VPS13A: variants seen among roughly 807,000 people sequenced by gnomAD.
VPS13A encodes the protein intermembrane lipid transfer protein VPS13A.
Under a neutral mutation model 390.9 loss-of-function variants are expected in VPS13A, and 264 were observed. The ratio of observed to expected loss-of-function variants is 0.68; its 90% confidence interval spans 0.61 to 0.75. The LOEUF is 0.75. Ranked by LOEUF, VPS13A falls within the 30% of genes least tolerant of loss-of-function variation. VPS13A has a pLI of 0.00. For missense variants in VPS13A, 3,409 were observed against 3,733.9 expected (o/e 0.91, Z 2.27); for synonymous variants, 1,231 against 1,227.1 (o/e 1.00, Z -0.07).
chr9:77,386,358 G>T (rs1277168760), intron 68 of VPS13A, among the ~76,000 whole-genome samples: 1 of 152,086 alleles, frequency 6.6e-6, no homozygotes, highest in East Asian at 1.9e-4. Context: ...TAGTCACAAG[G>T]CCTTTGTAAA....
At chr9:77,318,132 A>G in intron 40 of VPS13A, 103 bp from the exon 41 acceptor site, 1 of 628,482 alleles carries the variant, frequency 1.6e-6, no homozygotes, top group Non-Finnish European at 2.6e-6. Context: ...TGTGGTAGTA[A>G]TGTTAATTCA....
At chr9:77,307,829 G>A (rs897690278) in intron 34 of VPS13A, 116 bp from the exon 35 acceptor site, 2 of 801,374 alleles carry the variant, frequency 2.5e-6, no homozygotes, top group African/African-American at 3.5e-5. Context: ...ATGTTTAATT[G>A]GTGTGGTAGA....
At chr9:77,316,486 C>T in intron 39 of VPS13A, 80 bp downstream of exon 39, 1 of 1,199,222 alleles carries the variant, frequency 8.3e-7, no homozygotes. Context: ...CAAAAACTAC[C>T]TACATGCTTT....
rs139082384 is a variant in VPS13A at position 77,179,006 on chromosome 9, T to G, written c.100+1202T>G. Among the ~76,000 whole-genome samples, 9 of 152,280 alleles carry G rather than the reference T, an allele frequency of 5.9e-5. No individual in the cohort carries two copies. In the East Asian group the frequency reaches 1.5e-3, roughly 26 times the overall value. On this transcript the variant is annotated intron_variant, in intron 1 of 71. Transcript: ENST00000360280. ...TGGAGAGTGAGTGGACTACAAAAGC[T>G]AGGGATATAGTGATAGCTGCTCAGC...
chr9:77,333,442 T>C (rs980120735), intron 46 of VPS13A, among the ~76,000 whole-genome samples: 29 of 149,492 alleles, frequency 1.9e-4, no homozygotes, highest in Admixed American at 1.9e-3. Context: ...TTTTTTTTTT[T>C]TTTTTTGAGA....
chr9:77,179,716 A>C lies in VPS13A; in HGVS notation c.100+1912A>C, dbSNP rs1462881417. ...TTTTTTTTTTTTTGAGATTTATTTCATATACCATAAATTTCACTCTTTTAA... is the reference window on the plus strand; with the variant it reads ...TTTTTTTTTTTTTGAGATTTATTTCCTATACCATAAATTTCACTCTTTTAA... On this transcript the variant is annotated intron_variant, in intron 1 of 71. Transcript: ENST00000360280. Among the ~76,000 whole-genome samples the C allele has an allele frequency of 2.1e-5, 3 of 142,960 alleles. No individual in the cohort carries two copies. In the Admixed American group the frequency reaches 2.1e-4, roughly 10 times the overall value. The allele number at this position is 142,960 out of a possible 152,430, so 93.8% of individuals were successfully genotyped here. A position where few individuals can be genotyped will look rare whatever the true frequency, so the allele number is the denominator to read the frequency against.
intron 68 of VPS13A, among the ~76,000 whole-genome samples, chr9:77,393,706 GGTCTCAACA>G (rs1833993549): frequency 6.6e-6 from 1 of 152,174 alleles, no homozygotes; most frequent in Admixed American, 6.5e-5. Flanking sequence ...CTGAGCGATA[GGTCTCAACA>G]GTGGGCTTAA....
intron 67 of VPS13A, among the ~76,000 whole-genome samples, chr9:77,377,915 TAA>T (rs1761356638): frequency 6.6e-6 from 1 of 152,192 alleles, no homozygotes; most frequent in Non-Finnish European, 1.5e-5. Flanking sequence ...TCTGTATAAT[TAA>T]GTTGATAGTT....
intron 57 of VPS13A, 131 bp downstream of exon 57, chr9:77,358,569 GA>G: frequency 5.2e-6 from 4 of 771,620 alleles, no homozygotes; most frequent in Non-Finnish European, 8.7e-6. Context: ...TAAACTGCTT[GA>G]AAAAGGACCA....
intron 6 of VPS13A, among the ~76,000 whole-genome samples, chr9:77,209,865 T>C (rs1825871508): frequency 1.3e-5 from 2 of 152,226 alleles, no homozygotes; most frequent in African/African-American, 2.4e-5. Flanking sequence ...TTAGTGGAGC[T>C]AGCCTTAAAT....
chr9:77,199,962 A>G lies in VPS13A; in HGVS notation c.118A>G (p.Asn40Asp). Residue 40 changes from asparagine to aspartate, a missense_variant, in exon 2 of 72, where the codon AAT becomes GAT. Physicochemically the swap from Asn to Asp is conservative, Grantham distance 23. Around this residue, in one of 5 missense-constraint regions of VPS13A, gnomAD observed 2,717 missense variants for 2,917.4 expected, o/e 0.93. Coordinates refer to ENST00000360280, the MANE Select transcript of VPS13A (RefSeq NM_033305.3). ...TTTTTTAGGAGCTGTGGCCCTCAAGAATCTTCAAATTAAAGAAAATGCCCT... is the reference window on the plus strand; with the variant it reads ...TTTTTTAGGAGCTGTGGCCCTCAAGGATCTTCAAATTAAAGAAAATGCCCT... Reference protein sequence around the residue: ...GIWKGAVALKNLQIKENALSQ... With the variant: ...GIWKGAVALKDLQIKENALSQ... The G allele has an allele frequency of 6.2e-7, 1 of 1,608,446 alleles. No homozygotes were observed. Among genetic ancestry groups the G allele is most frequent in the Middle Eastern group, 1.7e-4 (1 of 5,816 alleles).
At chr9:77,193,955 C>T (rs1227748208) in intron 1 of VPS13A, among the ~76,000 whole-genome samples, 1 of 152,154 alleles carries the variant, frequency 6.6e-6, no homozygotes, top group Non-Finnish European at 1.5e-5. Context: ...GGTGTTAGGA[C>T]TAGGCACATG....
chr9:77,288,888 G>A (rs950576677), intron 31 of VPS13A, among the ~76,000 whole-genome samples: 2 of 152,060 alleles, frequency 1.3e-5, no homozygotes, highest in African/African-American at 4.8e-5. Flanking sequence ...TGCTTTGTAT[G>A]TTTTGGAGAT....
rs1318116079 is a variant in VPS13A at position 77,318,475 on chromosome 9, C to A, written c.5197C>A (p.Leu1733Ile). 2 of 1,613,854 alleles carry A rather than the reference C, an allele frequency of 1.2e-6. No individual in the cohort carries two copies. The highest frequency in any genetic ancestry group is 2.2e-5 in the South Asian group (2 of 91,074). ...KMNIDSIFIV[L>I]EAGIGHRTVP... ...GAACATTGATTCTATTTTTATAGTT[C>A]TTGAGGCTGGAATTGGTCATAGAAC... The change falls in exon 41 of 72, where the codon CTT becomes ATT. Residue 1733 changes from leucine to isoleucine, a missense_variant. Physicochemically the swap from Leu to Ile is conservative, Grantham distance 5. Transcript: ENST00000360280.
At chr9:77,271,101 A>G (rs1469319592) in intron 23 of VPS13A, among the ~76,000 whole-genome samples, 3 of 152,216 alleles carry the variant, frequency 2.0e-5, no homozygotes, top group Non-Finnish European at 4.4e-5. Flanking sequence ...CACTTGGGAA[A>G]AATAGTTGCA....
In VPS13A at chr9:77,205,421, T is replaced by A. The variant is rs1185592215; in HGVS notation, c.283+13T>A. The A allele has an allele frequency of 4.1e-6, 5 of 1,211,612 alleles. No individual in the cohort carries two copies. In the South Asian group the frequency reaches 6.8e-5, roughly 16 times the overall value. The allele number at this position is 1,211,612 out of a possible 1,614,324, so 75.1% of individuals were successfully genotyped here. On this transcript the variant is annotated intron_variant, in intron 4 of 71. Coordinates refer to ENST00000360280, the MANE Select transcript of VPS13A (RefSeq NM_033305.3). ...GTGCCTTCTTCTAGTAAGTTAAATT[T>A]AAAAAAATTATAATTTAAGTTATTC...
intron 37 of VPS13A, 87 bp from the exon 38 acceptor site, chr9:77,315,166 G>C (rs1048356312): frequency 1.7e-6 from 2 of 1,189,738 alleles, no homozygotes; most frequent in African/African-American, 3.0e-5. Flanking sequence ...GTCAGTAAAA[G>C]AGATAAGAGG....
intron 10 of VPS13A, among the ~76,000 whole-genome samples, chr9:77,216,588 T>C (rs1027166833): frequency 7.2e-5 from 11 of 152,284 alleles, no homozygotes; most frequent in African/African-American, 1.7e-4. Flanking sequence ...TGAGTAGATA[T>C]GGTGATAAGA....
Position 77,213,274 on chromosome 9 carries a change from A to C in VPS13A, c.656A>C (p.Lys219Thr). 1 of 1,613,788 alleles carries C rather than the reference A, an allele frequency of 6.2e-7. No individual in the cohort carries two copies. The highest frequency in any genetic ancestry group is 8.5e-7 in the Non-Finnish European group (1 of 1,179,874). The change falls in exon 9 of 72, where the codon AAG becomes ACG. Residue 219 changes from lysine (K) to threonine (T), a missense_variant. Coordinates refer to ENST00000360280, the MANE Select transcript of VPS13A (RefSeq NM_033305.3). ...AACCTGTTTGCCTATTGGAATGTGA[A>C]GTCTCAGATGTTTTATCTTAGTGAT... Reference protein sequence around the residue: ...LDNLFAYWNVKSQMFYLSDYD... With the variant: ...LDNLFAYWNVTSQMFYLSDYD...
Sources: allele counts gnomAD v4.1 joint callset (sites outside exome capture counted in the v4.1 genomes callset), GRCh38; gene constraint gnomAD v4.1.1; regional missense constraint gnomAD v4.1.1; transcripts MANE v1.5; gene names NCBI Gene and HGNC (gene_info 2026-07-23, HGNC 2026-07-21).